OXR1: variants seen among roughly 807,000 people sequenced by gnomAD.
OXR1 encodes oxidation resistance protein 1.
Under a neutral mutation model 104.6 loss-of-function variants are expected in OXR1, and 41 were observed. That is an observed-to-expected ratio of 0.39 (90% CI 0.31 to 0.51). The LOEUF is 0.51. Among genes scored for constraint, OXR1 ranks in the 20% least tolerant of loss-of-function variants. The pLI, the probability that OXR1 is intolerant of heterozygous loss-of-function variation, is 0.77. For synonymous variants in OXR1, 348 were observed against 348.4 expected, an observed-to-expected ratio of 1.00 and a Z score of 0.01; for missense variants, 955 against 1,031.9, an observed-to-expected ratio of 0.93 and a Z score of 1.02.
intron 1 of OXR1, among the ~76,000 whole-genome samples, chr8:106,300,763 C>G (rs1813203048): frequency 6.6e-6 from 1 of 152,146 alleles, no homozygotes; most frequent in African/African-American, 2.4e-5. Flanking sequence ...GGATATTGCA[C>G]AAGAAGCTCC....
At chr8:106,332,690 A>G (rs534460383) in intron 1 of OXR1, among the ~76,000 whole-genome samples, 1 of 152,294 alleles carries the variant, frequency 6.6e-6, no homozygotes, top group South Asian at 2.1e-4. Flanking sequence ...AGTGTATTCA[A>G]AAAGCTCTGT....
At chr8:106,734,916 G>T (rs1334282328) in intron 11 of OXR1, among the ~76,000 whole-genome samples, 1 of 152,110 alleles carries the variant, frequency 6.6e-6, no homozygotes, top group East Asian at 1.9e-4. Context: ...GCCAGTGAAT[G>T]CACTTTTAAT....
chr8:106,434,863 A>C lies in OXR1; in HGVS notation c.23+75227A>C, dbSNP rs536121775. ...CATACAATTATGAATAAAATCATTG[A>C]GGTCTCTACTTCCTTTGAGCTTACT... On this transcript the variant is annotated intron_variant, in intron 2 of 16. Coordinates refer to ENST00000517566, the MANE Select transcript of OXR1 (RefSeq NM_001198533.2). Among the ~76,000 whole-genome samples, 600 of 152,296 alleles carry C rather than the reference A, an allele frequency of 3.9e-3. 1 individual carries two copies. Among genetic ancestry groups the C allele is most frequent in the African/African-American group, 0.012 (486 of 41,576 alleles).
At chr8:106,344,139 A>C (rs1486947453) in intron 1 of OXR1, among the ~76,000 whole-genome samples, 2 of 152,216 alleles carry the variant, frequency 1.3e-5, no homozygotes, top group Non-Finnish European at 2.9e-5. Context: ...TTTAGAGTGC[A>C]TAGAAATGTC....
chr8:106,370,303 C>G lies in OXR1; in HGVS notation c.23+10667C>G, dbSNP rs1816650675. On this transcript the variant is annotated intron_variant, in intron 2 of 16. Transcript: ENST00000517566. ...TCAGTTCAAGAAGTTTTGAGGCTGA[C>G]ACGATAGGGTTTTCTAAATATAAAA... is the stretch of plus-strand genomic sequence containing the variant. Among the ~76,000 whole-genome samples, 9 of 152,222 alleles carry G rather than the reference C, an allele frequency of 5.9e-5. No homozygotes were observed. In the South Asian group the frequency reaches 1.7e-3, roughly 28 times the overall value.
intron 3 of OXR1, among the ~76,000 whole-genome samples, chr8:106,634,127 T>C (rs2130906851): frequency 6.6e-6 from 1 of 152,336 alleles, no homozygotes; most frequent in South Asian, 2.1e-4. Flanking sequence ...AAAGACTTAC[T>C]TGAATGCGTT....
At position 106,359,047 on chromosome 8, in the gene OXR1, T is replaced by TTTTCTTTCTTTCTTTCTTTC. The variant is rs76498142; in HGVS notation, c.-138-393_-138-374dup. Among the ~76,000 whole-genome samples the TTTTCTTTCTTTCTTTCTTTC allele has an allele frequency of 2.5e-3, 347 of 141,242 alleles. 6 individuals are homozygous for TTTTCTTTCTTTCTTTCTTTC. Among genetic ancestry groups the TTTTCTTTCTTTCTTTCTTTC allele is most frequent in the African/African-American group, 8.1e-3 (290 of 35,930 alleles). The allele number at this position is 141,242 out of a possible 152,430, so 92.7% of individuals were successfully genotyped here. ...GATGGCAACTTGTGTCATGGAATTC[T>TTTTCTTTCTTTCTTTCTTTC]TTTCTTTCTTTCTTTCTTTCTTTCT... On this transcript the variant is annotated intron_variant, in intron 1 of 16. Coordinates refer to ENST00000517566, the MANE Select transcript of OXR1 (RefSeq NM_001198533.2).
At chr8:106,381,477 T>C (rs1817147639) in intron 2 of OXR1, among the ~76,000 whole-genome samples, 1 of 151,900 alleles carries the variant, frequency 6.6e-6, no homozygotes, top group Non-Finnish European at 1.5e-5. Context: ...AAGAGAAGGG[T>C]AGGGCAGAAT....
chr8:106,749,635 A>G (rs1835706706), intron 16 of OXR1, among the ~76,000 whole-genome samples: 1 of 152,110 alleles, frequency 6.6e-6, no homozygotes, highest in South Asian at 2.1e-4. Flanking sequence ...TTTCAATGAA[A>G]TATAACTGCC....
intron 2 of OXR1, among the ~76,000 whole-genome samples, chr8:106,363,404 C>A (rs932426841): frequency 1.3e-5 from 2 of 152,194 alleles, no homozygotes; most frequent in African/African-American, 2.4e-5. Context: ...ACACCTCTTG[C>A]ATTTATTCCT....
At chr8:106,582,023 C>CAAAAAAAAAAAAAA (rs71307074) in intron 3 of OXR1, among the ~76,000 whole-genome samples, 2 of 69,566 alleles carry the variant, frequency 2.9e-5, no homozygotes, top group African/African-American at 6.0e-5. Flanking sequence ...GACTCTGTCT[C>CAAAAAAAAAAAAAA]AAAAAAAAAA....
chr8:106,511,234 C>G (rs1812504737), intron 2 of OXR1, among the ~76,000 whole-genome samples: 1 of 152,144 alleles, frequency 6.6e-6, no homozygotes, highest in Non-Finnish European at 1.5e-5. Flanking sequence ...AACAAAAACC[C>G]TTAATTTTGC....
At chr8:106,702,571 G>T (rs2131354877) in intron 7 of OXR1, among the ~76,000 whole-genome samples, 1 of 152,254 alleles carries the variant, frequency 6.6e-6, no homozygotes, top group South Asian at 2.1e-4. Context: ...AATAACACAG[G>T]AAGCAGTATG....
At chr8:106,318,445 C>A (rs114962106) in intron 1 of OXR1, among the ~76,000 whole-genome samples, 4 of 152,256 alleles carry the variant, frequency 2.6e-5, no homozygotes, top group Admixed American at 2.6e-4. Flanking sequence ...GTATGGTATT[C>A]AAGGCTTCAC....
At chr8:106,585,982 CAATT>C (rs1399641059) in intron 3 of OXR1, among the ~76,000 whole-genome samples, 3 of 152,146 alleles carry the variant, frequency 2.0e-5, no homozygotes, top group Non-Finnish European at 4.4e-5. Context: ...CTTTTACTCC[CAATT>C]AGACTTTTTA....
chr8:106,478,502 G>C (rs1821925644), intron 2 of OXR1, among the ~76,000 whole-genome samples: 1 of 151,794 alleles, frequency 6.6e-6, no homozygotes, highest in Admixed American at 6.6e-5. Flanking sequence ...TTTTGTGTCA[G>C]AATAGTAAGT....
intron 2 of OXR1, among the ~76,000 whole-genome samples, chr8:106,475,391 G>C (rs1190609705): frequency 2.0e-5 from 3 of 151,846 alleles, no homozygotes; most frequent in African/African-American, 7.2e-5. Flanking sequence ...CTTCATCCTT[G>C]TCTTCACATT....
intron 3 of OXR1, among the ~76,000 whole-genome samples, chr8:106,589,886 T>G (rs1252109370): frequency 6.6e-6 from 1 of 152,096 alleles, no homozygotes; most frequent in Non-Finnish European, 1.5e-5. Context: ...AGGCTGGTCT[T>G]AAACTCCCAA....
intron 2 of OXR1, among the ~76,000 whole-genome samples, chr8:106,421,357 A>G (rs1818897663): frequency 6.6e-6 from 1 of 152,186 alleles, no homozygotes; most frequent in Non-Finnish European, 1.5e-5. Flanking sequence ...AAATAGTAGA[A>G]TGCATCAAAC....
Sources: allele counts gnomAD v4.1 joint callset (sites outside exome capture counted in the v4.1 genomes callset), GRCh38; gene constraint gnomAD v4.1.1; transcripts MANE v1.5; gene names NCBI Gene and HGNC (gene_info 2026-07-23, HGNC 2026-07-21).